Variants in USP32 observed in about 807,000 individuals in gnomAD.
USP32 encodes ubiquitin specific peptidase 32.
A neutral mutation model predicts 204.8 loss-of-function variants in USP32; 59 were observed. That is an observed-to-expected ratio of 0.29 (90% CI 0.23 to 0.36). The LOEUF (loss-of-function observed/expected upper bound fraction) is 0.36. Among genes scored for constraint, USP32 ranks in the 10% least tolerant of loss-of-function variants. The probability of loss-of-function intolerance (pLI) is 1.00; values close to 1 mark genes in which losing one functional copy is unlikely to be tolerated. For missense variants in USP32, 1,160 were observed against 1,946.4 expected, an observed-to-expected ratio of 0.60 and a Z score of 7.60; for synonymous variants, 517 against 678.4, an observed-to-expected ratio of 0.76 and a Z score of 3.70.
chr17:60,328,250 G>T (rs2088293685), intron 2 of USP32, among the ~76,000 whole-genome samples: 1 of 152,210 alleles, frequency 6.6e-6, no homozygotes, highest in Non-Finnish European at 1.5e-5. Context: ...GAGCTGTACA[G>T]ATGATGGAAC....
At position 60,337,694 on chromosome 17, in the gene USP32, T is replaced by C. The variant is rs149317573; in HGVS notation, c.186+7787A>G. Among the ~76,000 whole-genome samples, 1,334 of 152,184 alleles carry C rather than the reference T, an allele frequency of 8.8e-3. 26 individuals are homozygous for C. Among genetic ancestry groups the C allele is most frequent in the African/African-American group, 0.03 (1,226 of 41,504 alleles). On this transcript the variant is annotated intron_variant, in intron 2 of 33. Transcript: ENST00000300896. ...GAGTTTGTGACCAGCCTAGGCAATA[T>C]GGTGAGACCCCGTCTCCACAAAAAA...
chr17:60,256,702 T>C lies in USP32; in HGVS notation c.991-1444A>G, dbSNP rs186383443. The C allele has an allele frequency of 4.5e-4, 503 of 1,127,264 alleles. 5 individuals are homozygous for C. The African/African-American group carries it at 7.6e-3, about 17-fold the overall frequency. 69.8% of individuals were successfully genotyped at this position (1,127,264 alleles called of 1,614,324 possible). ...ATCTGTTGCTGTGAGGAAAGGAACA[T>C]CAATGCCTGCACCACGGCAACAGAA... On this transcript the variant is annotated intron_variant, in intron 9 of 33. Coordinates refer to ENST00000300896, the MANE Select transcript of USP32 (RefSeq NM_032582.4).
At chr17:60,272,285 C>G (rs945803498) in intron 5 of USP32, among the ~76,000 whole-genome samples, 2 of 152,184 alleles carry the variant, frequency 1.3e-5, no homozygotes, top group Non-Finnish European at 2.9e-5. Context: ...AAAGTCAGCA[C>G]TGACAGAGAA....
chr17:60,206,189 C>T (rs1296469555), intron 25 of USP32, among the ~76,000 whole-genome samples: 1 of 146,976 alleles, frequency 6.8e-6, no homozygotes, highest in Admixed American at 6.7e-5. Context: ...TGGTGGTACA[C>T]GTTTGTAGTC....
chr17:60,194,119 A>G (rs1467093583), intron 27 of USP32, among the ~76,000 whole-genome samples: 1 of 151,816 alleles, frequency 6.6e-6, no homozygotes, highest in Non-Finnish European at 1.5e-5. Flanking sequence ...TATGGCTCAC[A>G]GCAGCCTCCA....
chr17:60,391,865 G>T lies in USP32; in HGVS notation c.58+17C>A. 3 of 1,584,856 alleles carry T rather than the reference G, an allele frequency of 1.9e-6. No homozygotes were observed. The highest frequency in any genetic ancestry group is 1.1e-5 in the South Asian group (1 of 88,654). On this transcript the variant is annotated intron_variant, in intron 1 of 33. Transcript: ENST00000300896. ...GCGGGCCTCCCAGGCAGCTCGCCCA[G>T]ACCCCTCCCCCCTCACCTCTCCTCA... is the stretch of plus-strand genomic sequence containing the variant.
chr17:60,219,943 G>A (rs2085201734), intron 15 of USP32, among the ~76,000 whole-genome samples, 156 bp from the exon 16 acceptor site: 1 of 150,704 alleles, frequency 6.6e-6, no homozygotes, highest in African/African-American at 2.4e-5. Context: ...AAGTTACATG[G>A]ATCTGATTAC....
chr17:60,212,210 A>G, intron 18 of USP32, 112 bp from the exon 19 acceptor site: 1 of 854,838 alleles, frequency 1.2e-6, no homozygotes, highest in Non-Finnish European at 1.8e-6. Flanking sequence ...TTTAAAATCT[A>G]GTTAATTTTA....
intron 20 of USP32, 79 bp from the exon 21 acceptor site, chr17:60,211,197 T>C: frequency 6.4e-7 from 1 of 1,560,306 alleles, no homozygotes; most frequent in Non-Finnish European, 8.7e-7. Context: ...GCCTAGCATC[T>C]CACATCAAAA....
At chr17:60,294,975 T>C (rs1422298446) in intron 3 of USP32, among the ~76,000 whole-genome samples, 174 bp from the exon 4 acceptor site, 3 of 152,208 alleles carry the variant, frequency 2.0e-5, no homozygotes, top group African/African-American at 7.2e-5. Flanking sequence ...AACAGCAGTG[T>C]AGTATCTTTT....
intron 13 of USP32, 41 bp from the exon 14 acceptor site, chr17:60,223,627 A>G (rs1442504332): frequency 1.3e-6 from 2 of 1,545,806 alleles, no homozygotes; most frequent in South Asian, 2.5e-5. Context: ...ATTTTTAGTT[A>G]TTATACATAA....
chr17:60,330,209 A>G (rs962760149), intron 2 of USP32, among the ~76,000 whole-genome samples: 2 of 152,148 alleles, frequency 1.3e-5, no homozygotes, highest in Non-Finnish European at 2.9e-5. Context: ...CTCTCTTTAA[A>G]ATTAGTAGCT....
chr17:60,191,400 TAAAAAAAAA>T (rs1158204624), intron 28 of USP32, among the ~76,000 whole-genome samples: 1 of 58,412 alleles, frequency 1.7e-5, no homozygotes, highest in Non-Finnish European at 3.7e-5. Context: ...AGACTCTGTT[TAAAAAAAAA>T]AAAAAAAAAA....
chr17:60,250,554 A>C (rs2086140885), intron 11 of USP32, among the ~76,000 whole-genome samples: 1 of 152,168 alleles, frequency 6.6e-6, no homozygotes, highest in East Asian at 1.9e-4. Context: ...TTAAAATCCT[A>C]CGTTAATATA....
rs1404551620 is a variant in USP32, at chr17:60,212,051, T to G, written c.2152A>C (p.Asn718His). 1 of 1,606,004 alleles carries G rather than the reference T, an allele frequency of 6.2e-7. No homozygotes were observed. Among genetic ancestry groups the G allele is most frequent in the Admixed American group, 1.7e-5 (1 of 59,056 alleles). The change falls in exon 19 of 34, where the codon AAT becomes CAT. Residue 718 changes from asparagine (N) to histidine (H), a missense_variant. By Grantham distance (68) the Asn-to-His change is moderately conservative. Transcript: ENST00000300896. ...TTGTGTCTATCTATTTTACTACTAT[T>G]TGCTATAAAAGACATCTCCTCAGGC... ...SWPEEMSFIA[N>H]SSKIDRHKVP...
intron 2 of USP32, among the ~76,000 whole-genome samples, chr17:60,322,154 T>C (rs2088128092): frequency 6.6e-6 from 1 of 151,992 alleles, no homozygotes; most frequent in African/African-American, 2.4e-5. Context: ...GTGAACTGAG[T>C]AGGTAACTCT....
intron 16 of USP32, 36 bp from the exon 17 acceptor site, chr17:60,214,810 G>C: frequency 4.3e-6 from 7 of 1,613,862 alleles, no homozygotes; most frequent in South Asian, 3.3e-5. Flanking sequence ...AAAAAAGGCA[G>C]ATGTGAAAAA....
At chr17:60,421,384 A>C in intron 1 of USP32, 2 of 985,504 alleles carry the variant, frequency 2.0e-6, no homozygotes, top group Non-Finnish European at 2.4e-6. Context: ...TGAAGCCGCT[A>C]TGCCCCTCTC....
intron 2 of USP32, among the ~76,000 whole-genome samples, 155 bp downstream of exon 2, chr17:60,345,326 A>G (rs1187731155): frequency 1.3e-5 from 2 of 152,228 alleles, no homozygotes; most frequent in East Asian, 3.8e-4. Context: ...GAACACAGCC[A>G]CGTTGACATC....
Sources: gnomAD v4.1 joint callset for allele counts (sites outside exome capture counted in the v4.1 genomes callset) on GRCh38, gnomAD v4.1.1 for gene constraint, MANE v1.5 for transcripts, NCBI Gene and HGNC (gene_info 2026-07-23, HGNC 2026-07-21) for gene names.